Variants in PITPNM2 observed in about 807,000 individuals in gnomAD.
PITPNM2 encodes phosphatidylinositol transfer protein membrane associated 2, also known as membrane-associated phosphatidylinositol transfer protein 2.
PITPNM2 carries 35 observed loss-of-function variants against 132.2 expected under a neutral mutation model. The ratio of observed to expected loss-of-function variants is 0.26; its 90% CI spans 0.20 to 0.35. The LOEUF (loss-of-function observed/expected upper bound fraction) is 0.35, where lower values mean the gene tolerates loss of function less well. Among genes scored for constraint, PITPNM2 ranks in the 10% least tolerant of loss-of-function variants. The pLI, the probability that PITPNM2 is intolerant of heterozygous loss-of-function variation, is 1.00. For synonymous variants in PITPNM2, 738 were observed against 799.2 expected (o/e 0.92, Z 1.29); for missense variants, 1,332 against 1,912.0 (o/e 0.70, Z 5.66).
At position 122,994,942 on chromosome 12, in the gene PITPNM2, G is replaced by C. The variant is rs372655253; in HGVS notation, c.2092C>G (p.Arg698Gly). 1 of 1,610,872 alleles carries C rather than the reference G, an allele frequency of 6.2e-7. No individual in the cohort carries two copies. Among genetic ancestry groups the C allele is most frequent in the Non-Finnish European group, 8.5e-7 (1 of 1,179,572 alleles). Residue 698 changes from arginine (R) to glycine (G), a missense_variant, in exon 15 of 26, where the codon CGC (arginine) becomes GGC (glycine). Physicochemically the swap from Arg to Gly is moderately radical, Grantham distance 125. Around this residue, in one of 6 missense-constraint regions of PITPNM2, gnomAD observed 710 missense variants for 911.5 expected, o/e 0.78. Coordinates refer to ENST00000320201, the MANE Select transcript of PITPNM2 (RefSeq NM_020845.3). This position sits in a 1 kb window ranked among gnomAD's most constrained non-coding sequence, Gnocchi z 5.4. Reference protein sequence around the residue: ...ASVLRTEPCSRHSSSSTMLDG... With the variant: ...ASVLRTEPCSGHSSSSTMLDG... ...AGCATGGTGGAGCTGCTGGAATGGC[G>C]TGAGCAGGGCTCAGTCCTCAGCACG...
At chr12:123,132,314 G>A (rs1727295) in intron 1 of PITPNM2, among the ~76,000 whole-genome samples, 83,781 of 151,946 alleles carry the variant, frequency 0.55, 27,796 homozygotes, top group Non-Finnish European at 0.72. Context: ...CAAGAGCATG[G>A]CGGGTACACT....
In PITPNM2 at chr12:123,034,535, A is replaced by C; in HGVS notation, c.56T>G (p.Ile19Ser). 6.2e-7 allele frequency: 1 copy of C among 1,614,106 alleles called. No homozygotes were observed. The highest frequency in any genetic ancestry group is 8.5e-7 in the Non-Finnish European group (1 of 1,180,008). ...PLPMTVEEYR[I>S]AQLYMIQKKS... ...CACCTGTATCATGTACAGCTGGGCG[A>C]TGCGGTACTCCTCCACGGTCATTGG... Residue 19 changes from isoleucine (I) to serine (S), a missense_variant, in exon 3 of 26, where the codon ATC becomes AGC. Ile to Ser is a moderately radical substitution (Grantham distance 142). Around this residue, in one of 6 missense-constraint regions of PITPNM2, gnomAD observed 83 missense variants for 118.7 expected, o/e 0.70. Coordinates refer to ENST00000320201, the MANE Select transcript of PITPNM2 (RefSeq NM_020845.3).
Position 123,008,857 on chromosome 12 carries a change from C to T in PITPNM2, c.643+993G>A, listed in dbSNP as rs1019892832. ...CCGCGTCCTTGGACCCCAATCCTTT[C>T]GGGTACACATCCACCCTTCCCTTGG... On this transcript the variant is annotated intron_variant, in intron 6 of 25. Coordinates refer to ENST00000320201, the MANE Select transcript of PITPNM2 (RefSeq NM_020845.3). The surrounding 1 kb of genome is among the most constrained non-coding windows in gnomAD (Gnocchi z 4.1). Among the ~76,000 whole-genome samples the T allele has an allele frequency of 3.2e-4, 48 of 152,336 alleles. No individual in the cohort carries two copies. Among genetic ancestry groups the T allele is most frequent in the African/African-American group, 1.1e-3 (46 of 41,578 alleles).
chr12:123,013,879 G>A lies in PITPNM2; in HGVS notation c.242C>T (p.Ala81Val). 1.2e-6 allele frequency: 2 copies of A among 1,614,266 alleles called. No individual in the cohort carries two copies. The change falls in exon 4 of 26, where the codon GCC (alanine) becomes GTC (valine). Residue 81 changes from alanine (A) to valine (V), a missense_variant. By Grantham distance (64) the Ala-to-Val change is moderately conservative. Around this residue, in one of 6 missense-constraint regions of PITPNM2, gnomAD observed 83 missense variants for 118.7 expected, o/e 0.70. Coordinates refer to ENST00000320201, the MANE Select transcript of PITPNM2 (RefSeq NM_020845.3). Reference sequence around the variant, plus strand: ...CCAAGACTCCTCCACCACCCGCAGGGCTGCCTTGGGCAGGATGGAGCGGAA... The same window carrying A: ...CCAAGACTCCTCCACCACCCGCAGGACTGCCTTGGGCAGGATGGAGCGGAA... ...SWFRSILPKA[A>V]LRVVEESWNA...
intron 3 of PITPNM2, among the ~76,000 whole-genome samples, chr12:123,030,893 G>T (rs186289866): frequency 6.6e-6 from 1 of 152,028 alleles, no homozygotes; most frequent in African/African-American, 2.4e-5. Context: ...CAGACACAAA[G>T]AGCAACACTG....
chr12:123,133,237 T>C (rs765137441), intron 1 of PITPNM2, among the ~76,000 whole-genome samples: 11 of 152,192 alleles, frequency 7.2e-5, no homozygotes, highest in Non-Finnish European at 1.5e-4. Context: ...CCTGAAATTT[T>C]AGAGGCAGGG....
At chr12:123,020,034 C>T (rs1422507043) in intron 3 of PITPNM2, among the ~76,000 whole-genome samples, 9 of 152,072 alleles carry the variant, frequency 5.9e-5, no homozygotes, top group Non-Finnish European at 1.5e-5. Flanking sequence ...GTGTAGCCTG[C>T]GAGGCAGGAA....
rs1445948963 is a variant in PITPNM2 at position 123,080,191 on chromosome 12, G to A, written c.-96+30194C>T. Reference sequence around the variant, plus strand: ...ATTATCCATCAGCCAATGGACATGTGAGCTGTTTCCACCTTTTGGCTATTG... The same window carrying A: ...ATTATCCATCAGCCAATGGACATGTAAGCTGTTTCCACCTTTTGGCTATTG... On this transcript the variant is annotated intron_variant, in intron 2 of 25. Transcript: ENST00000320201. Among the ~76,000 whole-genome samples the A allele has an allele frequency of 2.0e-5, 3 of 152,078 alleles. No homozygotes were observed. In the East Asian group the frequency reaches 5.8e-4, roughly 29 times the overall value.
At chr12:123,112,405 C>T (rs1434418839) in intron 1 of PITPNM2, among the ~76,000 whole-genome samples, 2 of 152,136 alleles carry the variant, frequency 1.3e-5, no homozygotes, top group African/African-American at 2.4e-5. Context: ...ATGTAATGTA[C>T]GTTCCATACA....
chr12:123,030,815 G>A (rs73411057), intron 3 of PITPNM2, among the ~76,000 whole-genome samples: 6,333 of 152,256 alleles, frequency 0.042, 442 homozygotes, highest in African/African-American at 0.14. Context: ...GCCATAAAAC[G>A]TAATGAGGCA....
At chr12:123,049,137 AACACACACACAC>A (rs35784732) in intron 2 of PITPNM2, among the ~76,000 whole-genome samples, 2 of 146,776 alleles carry the variant, frequency 1.4e-5, no homozygotes, top group African/African-American at 5.0e-5. Flanking sequence ...CTGTCTCTAA[AACACACACACAC>A]ACACACACAC....
intron 2 of PITPNM2, among the ~76,000 whole-genome samples, chr12:123,073,148 G>T (rs1275024256): frequency 6.6e-6 from 1 of 152,202 alleles, no homozygotes. Context: ...TCTGCTATTT[G>T]TTACATCGGT....
rs752066923 is a variant in PITPNM2 at position 123,012,740 on chromosome 12, C to T, written c.294-6G>A. 4 of 1,613,514 alleles carry T rather than the reference C, an allele frequency of 2.5e-6. No homozygotes were observed. Among genetic ancestry groups the T allele is most frequent in the African/African-American group, 1.3e-5 (1 of 74,914 alleles). On this transcript the variant is annotated splice_region_variant and splice_polypyrimidine_tract_variant and intron_variant, in intron 4 of 25. Transcript: ENST00000320201. The stretch of plus-strand genomic sequence containing the variant: ...CCACGAAAGGACAGGTGAACCTGTG[C>T]GGAAAGGAAAGCACTCATCAGGACC...
chr12:123,140,538 G>A (rs551239855), intron 1 of PITPNM2, among the ~76,000 whole-genome samples: 101 of 152,212 alleles, frequency 6.6e-4, no homozygotes, highest in African/African-American at 2.2e-3. Flanking sequence ...AGGACAAGCC[G>A]CTAGGAACTG....
intron 2 of PITPNM2, among the ~76,000 whole-genome samples, chr12:123,098,158 C>T (rs541871904): frequency 4.5e-4 from 68 of 152,270 alleles, no homozygotes; most frequent in African/African-American, 1.4e-3. Context: ...ACCTGTACAA[C>T]GGAATCATGG....
chr12:123,142,066 A>G (rs1346314714), intron 1 of PITPNM2, among the ~76,000 whole-genome samples: 1 of 152,164 alleles, frequency 6.6e-6, no homozygotes, highest in Non-Finnish European at 1.5e-5. Context: ...GTACTATAAA[A>G]TCTTGGTATT....
At position 123,021,007 on chromosome 12, in the gene PITPNM2, C is replaced by T. The variant is rs534769025; in HGVS notation, c.79-6965G>A. On this transcript the variant is annotated intron_variant, in intron 3 of 25. Transcript: ENST00000320201. ...TCATGCCATTGCACTACAGCCTAGGCGACAAGAGCGAAATTCCATCTCAAA... is the reference window on the plus strand; with the variant it reads ...TCATGCCATTGCACTACAGCCTAGGTGACAAGAGCGAAATTCCATCTCAAA... Among the ~76,000 whole-genome samples, 40 of 126,306 alleles carry T rather than the reference C, an allele frequency of 3.2e-4. No homozygotes were observed. In the South Asian group the frequency reaches 4.9e-3, roughly 15 times the overall value. The allele number at this position is 126,306 out of a possible 152,430, so 82.9% of individuals were successfully genotyped here.
chr12:123,000,301 C>T lies in PITPNM2; in HGVS notation c.1224+477G>A, dbSNP rs374789886. On this transcript the variant is annotated intron_variant, in intron 10 of 25. Coordinates refer to ENST00000320201, the MANE Select transcript of PITPNM2 (RefSeq NM_020845.3). This position sits in a 1 kb window ranked among gnomAD's most constrained non-coding sequence, Gnocchi z 5.4. ...AGAGAACCCCCGAAGCGGATACAGG[C>T]GCTCTACCAAGACAGTTTTATTGGA... 4.6e-5 allele frequency: 30 copies of T among 654,440 alleles called. No homozygotes were observed. The highest frequency in any genetic ancestry group is 4.0e-4 in the Middle Eastern group (1 of 2,526). 40.5% of individuals were successfully genotyped at this position (654,440 alleles called of 1,614,324 possible). A position where few individuals can be genotyped will look rare whatever the true frequency, so the allele number is the denominator to read the frequency against.
At chr12:123,134,127 G>A (rs1170707246) in intron 1 of PITPNM2, among the ~76,000 whole-genome samples, 2 of 152,034 alleles carry the variant, frequency 1.3e-5, no homozygotes, top group African/African-American at 4.8e-5. Flanking sequence ...GTGCAGAGGC[G>A]TGATCTTGGC....
Sources: allele counts gnomAD v4.1 joint callset (sites outside exome capture counted in the v4.1 genomes callset), GRCh38; gene constraint gnomAD v4.1.1; regional missense constraint gnomAD v4.1.1; non-coding constraint Gnocchi (gnomAD v3.1); transcripts MANE v1.5; gene names NCBI Gene and HGNC (gene_info 2026-07-23, HGNC 2026-07-21).